SHB: variants seen among roughly 807,000 people sequenced by gnomAD.
The protein encoded by SHB is SH2 domain containing adaptor protein B, also known as SH2 domain-containing adapter protein B.
Under a neutral mutation model 52.3 loss-of-function variants are expected in SHB, and 20 were observed. The observed-to-expected ratio is 0.38, with a 90% CI of 0.27 to 0.56. The LOEUF is 0.56. Among genes scored for constraint, SHB ranks in the 20% least tolerant of loss-of-function variants. The pLI is 0.71. For synonymous variants in SHB, 397 were observed against 316.5 expected (o/e 1.25, Z -2.70); for missense variants, 825 against 723.3 (o/e 1.14, Z -1.61).
At position 37,936,040 on chromosome 9, in the gene SHB, T is replaced by TAAAAA. The variant is rs1223430103; in HGVS notation, c.1346+12590_1346+12594dup. 4.7e-3 allele frequency among the ~76,000 whole-genome samples: 572 copies of TAAAAA among 122,598 alleles called. 8 individuals carry two copies. The highest frequency in any genetic ancestry group is 0.017 in the African/African-American group (547 of 32,880). The allele number at this position is 122,598 out of a possible 152,430, so 80.4% of individuals were successfully genotyped here. A position where few individuals can be genotyped will look rare whatever the true frequency, so the allele number is the denominator to read the frequency against. On this transcript the variant is annotated intron_variant, in intron 5 of 5. Transcript: ENST00000377707. ...CAACATGGTGAAACCCCGTCTCTAC[T>TAAAAA]AAAAAAAAAAAAAAAAAATACAACA...
chr9:38,060,168 T>TTTA (rs944827006), intron 1 of SHB, among the ~76,000 whole-genome samples: 38 of 152,104 alleles, frequency 2.5e-4, no homozygotes, highest in South Asian at 1.9e-3. Context: ...GCTGTCTGAC[T>TTTA]TTATTATTAT....
At chr9:37,931,814 C>A (rs1832314132) in intron 5 of SHB, among the ~76,000 whole-genome samples, 1 of 152,136 alleles carries the variant, frequency 6.6e-6, no homozygotes, top group South Asian at 2.1e-4. Context: ...GCGCCATTCA[C>A]AACAGTCAGC....
rs374983486 is a variant in SHB at position 37,974,741 on chromosome 9, G to C, written c.935C>G (p.Ser312Trp). ...CAGTCGGGGGCTGACTGTGCTCTCCGAGTCTGAGTCAACACTTTGGCCTTC... is the reference window on the plus strand; with the variant it reads ...CAGTCGGGGGCTGACTGTGCTCTCCCAGTCTGAGTCAACACTTTGGCCTTC... ...EPEGQSVDSD[S>W]ESTVSPRLRE... Residue 312 changes from serine to tryptophan, a missense_variant, in exon 3 of 6, where the codon TCG becomes TGG. Coordinates refer to ENST00000377707, the MANE Select transcript of SHB (RefSeq NM_003028.3). 1.2e-6 allele frequency: 2 copies of C among 1,614,048 alleles called. No homozygotes were observed. Among genetic ancestry groups the C allele is most frequent in the Non-Finnish European group, 1.7e-6 (2 of 1,179,934 alleles).
intron 5 of SHB, among the ~76,000 whole-genome samples, chr9:37,942,620 C>T (rs1159954326): frequency 6.6e-6 from 1 of 152,220 alleles, no homozygotes; most frequent in Non-Finnish European, 1.5e-5. Flanking sequence ...TAGGGCTTAT[C>T]TGCCAAGCCT....
Position 37,961,702 on chromosome 9 carries a change from CCCCAG to C in SHB, c.1055-5653_1055-5649del, listed in dbSNP as rs1832693618. ...TTACTTCACTATTTCTCTGCAAAAA[CCCCAG>C]CTATTCTTCAGAGCTCAGCTCCAAC... On this transcript the variant is annotated intron_variant, in intron 3 of 5. Transcript: ENST00000377707. Among the ~76,000 whole-genome samples the C allele has an allele frequency of 1.3e-4, 20 of 152,216 alleles. 1 individual carries two copies. Among genetic ancestry groups the C allele is most frequent in the Non-Finnish European group, 5.9e-5 (4 of 68,040 alleles).
chr9:38,061,711 G>A (rs1231765771), intron 1 of SHB, among the ~76,000 whole-genome samples: 1 of 152,352 alleles, frequency 6.6e-6, no homozygotes, highest in Non-Finnish European at 1.5e-5. Flanking sequence ...GAGATTGTCA[G>A]ATTAGAGAGG....
chr9:38,045,603 C>A (rs1460389455), intron 1 of SHB, among the ~76,000 whole-genome samples: 1 of 151,868 alleles, frequency 6.6e-6, no homozygotes, highest in Non-Finnish European at 1.5e-5. Context: ...AGAGTGAGAC[C>A]CTGTCTCCAA....
intron 2 of SHB, among the ~76,000 whole-genome samples, chr9:38,005,824 G>A (rs1821070651): frequency 6.6e-6 from 1 of 152,100 alleles, no homozygotes; most frequent in African/African-American, 2.4e-5. Flanking sequence ...GTGGCCGGCT[G>A]TCTCCTTGGC....
chr9:38,032,581 G>A (rs1396429975), intron 1 of SHB, among the ~76,000 whole-genome samples: 1 of 152,184 alleles, frequency 6.6e-6, no homozygotes, highest in Non-Finnish European at 1.5e-5. Flanking sequence ...GCTGCCCTGT[G>A]ACTCCGGCAC....
At chr9:38,015,958 C>T in intron 2 of SHB, 53 bp downstream of exon 2, 6 of 1,597,302 alleles carry the variant, frequency 3.8e-6, no homozygotes, top group Non-Finnish European at 5.1e-6. Context: ...CCCTCACTCC[C>T]TTTCTACCCC....
chr9:37,922,289 T>G (rs961993999), intron 5 of SHB, among the ~76,000 whole-genome samples: 1 of 152,186 alleles, frequency 6.6e-6, no homozygotes, highest in Non-Finnish European at 1.5e-5. Context: ...TTCATATGAA[T>G]TTGTTCTACG....
intron 5 of SHB, among the ~76,000 whole-genome samples, chr9:37,936,282 C>G (rs974379254): frequency 6.6e-6 from 1 of 152,070 alleles, no homozygotes; most frequent in Non-Finnish European, 1.5e-5. Context: ...ATCCAGAAAA[C>G]ACAAATCTAA....
chr9:37,960,366 C>G (rs1466046951), intron 3 of SHB, among the ~76,000 whole-genome samples: 3 of 152,198 alleles, frequency 2.0e-5, no homozygotes, highest in East Asian at 1.9e-4. Context: ...AAAAGAAGAT[C>G]TGCATTTAGA....
chr9:38,056,523 G>T (rs904558289), intron 1 of SHB, among the ~76,000 whole-genome samples: 1 of 152,194 alleles, frequency 6.6e-6, no homozygotes, highest in African/African-American at 2.4e-5. Context: ...AGTAGAGACA[G>T]GTTTTTGCCA....
chr9:37,922,538 C>G (rs971996109), intron 5 of SHB, among the ~76,000 whole-genome samples: 3 of 152,194 alleles, frequency 2.0e-5, no homozygotes, highest in South Asian at 4.1e-4. Context: ...TGCTGTTTAT[C>G]ACCCCCAACA....
intron 2 of SHB, among the ~76,000 whole-genome samples, chr9:38,001,635 C>T (rs1587237989): frequency 6.6e-6 from 1 of 152,232 alleles, no homozygotes; most frequent in East Asian, 1.9e-4. Flanking sequence ...GGTCCTGCCT[C>T]GCTGCATGGT....
At chr9:37,997,673 T>C (rs888411455) in intron 2 of SHB, among the ~76,000 whole-genome samples, 1 of 152,060 alleles carries the variant, frequency 6.6e-6, no homozygotes, top group African/African-American at 2.4e-5. Context: ...TACCCCAAGT[T>C]ATCTCATCTT....
Position 37,977,408 on chromosome 9 carries a change from A to G in SHB, c.839-2571T>C, listed in dbSNP as rs139261127. On this transcript the variant is annotated intron_variant, in intron 2 of 5. Transcript: ENST00000377707. ...TCTCCCTGGAAAGAGAGAGAATAAG[A>G]AGGGAAAAACCTTCTCACTATGTAG... 7.6e-4 allele frequency among the ~76,000 whole-genome samples: 115 copies of G among 152,300 alleles called. 1 individual carries two copies. The highest frequency in any genetic ancestry group is 1.2e-3 in the Admixed American group (19 of 15,294).
chr9:37,948,283 A>G (rs1486168382), intron 5 of SHB, among the ~76,000 whole-genome samples: 1 of 152,206 alleles, frequency 6.6e-6, no homozygotes, highest in Non-Finnish European at 1.5e-5. Context: ...TGGCGACGAT[A>G]TGTTCCTCAA....
Sources: allele counts gnomAD v4.1 joint callset (sites outside exome capture counted in the v4.1 genomes callset), GRCh38; gene constraint gnomAD v4.1.1; transcripts MANE v1.5; gene names NCBI Gene and HGNC (gene_info 2026-07-23, HGNC 2026-07-21).